CHST11: variants seen among roughly 807,000 people sequenced by gnomAD.
The protein encoded by CHST11 is carbohydrate sulfotransferase 11, also known as C4S-1.
In CHST11, 9 loss-of-function variants were observed where a neutral mutation model predicts 30.4. The observed-to-expected ratio is 0.30, with a 90% CI of 0.18 to 0.52. The LOEUF is 0.52. CHST11 is among the 20% of genes least tolerant of loss of function. The probability of loss-of-function intolerance (pLI) is 0.97; values close to 1 mark genes in which losing one functional copy is unlikely to be tolerated. For missense variants in CHST11, 348 were observed against 460.6 expected, an observed-to-expected ratio of 0.76 and a Z score of 2.24; for synonymous variants, 152 against 187.8, an observed-to-expected ratio of 0.81 and a Z score of 1.56.
intron 1 of CHST11, among the ~76,000 whole-genome samples, chr12:104,472,996 G>C (rs1313967272): frequency 6.6e-6 from 1 of 152,132 alleles, no homozygotes; most frequent in Non-Finnish European, 1.5e-5. Context: ...GGGTGGAGAG[G>C]TGAACCTGGA....
chr12:104,480,147 C>T (rs1055006384), intron 1 of CHST11, among the ~76,000 whole-genome samples: 6 of 152,128 alleles, frequency 3.9e-5, no homozygotes, highest in African/African-American at 1.4e-4. Context: ...TGAATTCAGG[C>T]CTATCTTTCA....
intron 2 of CHST11, among the ~76,000 whole-genome samples, chr12:104,655,187 T>C (rs867316443): frequency 1.3e-5 from 2 of 152,384 alleles, no homozygotes; most frequent in African/African-American, 4.8e-5. Context: ...GGTTTCTGCA[T>C]GCCTTGCTTT....
intron 2 of CHST11, among the ~76,000 whole-genome samples, chr12:104,650,754 C>T (rs903246566): frequency 2.6e-5 from 4 of 152,204 alleles, no homozygotes; most frequent in Non-Finnish European, 4.4e-5. Context: ...GAGCCTAAAA[C>T]GTGAGAGGCA....
intron 1 of CHST11, among the ~76,000 whole-genome samples, chr12:104,491,757 G>A (rs182432164): frequency 1.7e-3 from 254 of 152,232 alleles, no homozygotes; most frequent in Non-Finnish European, 3.1e-3. Flanking sequence ...AATTACAGGT[G>A]TGAGCTACTA....
intron 1 of CHST11, among the ~76,000 whole-genome samples, chr12:104,575,165 C>T (rs900557984): frequency 1.1e-4 from 17 of 151,828 alleles, no homozygotes; most frequent in African/African-American, 3.9e-4. Context: ...TGCACCCCAG[C>T]CTGAGTTACA....
At chr12:104,567,923 G>A (rs566165189) in intron 1 of CHST11, among the ~76,000 whole-genome samples, 13 of 152,312 alleles carry the variant, frequency 8.5e-5, no homozygotes, top group South Asian at 8.3e-4. Context: ...GCCAGACACC[G>A]AATCTGCTAT....
At chr12:104,666,071 G>T (rs538656734) in intron 2 of CHST11, among the ~76,000 whole-genome samples, 8 of 152,114 alleles carry the variant, frequency 5.3e-5, no homozygotes, top group African/African-American at 1.7e-4. Context: ...GCCCGCCTCG[G>T]CCTCCCAAAG....
intron 2 of CHST11, among the ~76,000 whole-genome samples, chr12:104,606,177 G>GT (rs954304969): frequency 3.7e-4 from 49 of 133,712 alleles, no homozygotes; most frequent in Non-Finnish European, 5.8e-4. Flanking sequence ...GCGGGGGGCG[G>GT]GGGGGGGAAT....
At chr12:104,731,957 G>A (rs193272829) in intron 2 of CHST11, among the ~76,000 whole-genome samples, 1 of 152,380 alleles carries the variant, frequency 6.6e-6, no homozygotes, top group Non-Finnish European at 1.5e-5. Context: ...CAGCAGATTG[G>A]CCTTTGGTGG....
intron 2 of CHST11, among the ~76,000 whole-genome samples, chr12:104,742,618 GC>G (rs1296071331): frequency 2.0e-5 from 3 of 152,112 alleles, no homozygotes; most frequent in African/African-American, 7.2e-5. Flanking sequence ...TCCTATTCCT[GC>G]CCCCCTCCGG....
intron 1 of CHST11, among the ~76,000 whole-genome samples, chr12:104,530,796 C>G (rs2038175802): frequency 6.6e-6 from 1 of 152,212 alleles, no homozygotes; most frequent in Admixed American, 6.5e-5. Flanking sequence ...AGTTCAAAAT[C>G]TGTGGCCTTA....
rs117979975 is a variant in CHST11, at chr12:104,726,703, G to A, written c.205-30246G>A. ...GGAAAGGGTGTGCCAGGATTTGAGCGGCATCAAAACCTGCTGTAGGGCTGA... is the reference window on the plus strand; with the variant it reads ...GGAAAGGGTGTGCCAGGATTTGAGCAGCATCAAAACCTGCTGTAGGGCTGA... On this transcript the variant is annotated intron_variant, in intron 2 of 2. Transcript: ENST00000303694. Among the ~76,000 whole-genome samples, 563 of 152,172 alleles carry A rather than the reference G, an allele frequency of 3.7e-3. 10 individuals carry two copies. The East Asian group carries it at 0.068, about 18-fold the overall frequency.
At chr12:104,478,458 C>A (rs1179990842) in intron 1 of CHST11, among the ~76,000 whole-genome samples, 1 of 152,144 alleles carries the variant, frequency 6.6e-6, no homozygotes, top group Non-Finnish European at 1.5e-5. Context: ...TCTCCACTGA[C>A]CCCTTCCCCA....
At chr12:104,715,444 A>G (rs2040123260) in intron 2 of CHST11, among the ~76,000 whole-genome samples, 1 of 152,218 alleles carries the variant, frequency 6.6e-6, no homozygotes, top group Non-Finnish European at 1.5e-5. Context: ...AAGGGATTAA[A>G]TAAGACCCTG....
chr12:104,577,935 C>A (rs777124164), intron 1 of CHST11, among the ~76,000 whole-genome samples: 14 of 152,196 alleles, frequency 9.2e-5, no homozygotes, highest in Admixed American at 4.6e-4. Flanking sequence ...GCACTCACGA[C>A]CCCTTTACAT....
chr12:104,636,423 T>G (rs903745143), intron 2 of CHST11, among the ~76,000 whole-genome samples: 1 of 152,200 alleles, frequency 6.6e-6, no homozygotes, highest in Non-Finnish European at 1.5e-5. Context: ...TTCTCCATGT[T>G]CTCTCCATCA....
At chr12:104,621,539 G>T (rs2136060889) in intron 2 of CHST11, among the ~76,000 whole-genome samples, 1 of 152,340 alleles carries the variant, frequency 6.6e-6, no homozygotes, top group Admixed American at 6.5e-5. Flanking sequence ...TATCCGGATG[G>T]GTCCAGTATA....
intron 2 of CHST11, among the ~76,000 whole-genome samples, chr12:104,610,124 C>T (rs907308086): frequency 6.6e-6 from 1 of 150,962 alleles, no homozygotes; most frequent in African/African-American, 2.4e-5. Context: ...TATATGTTCA[C>T]TCAACCTTTA....
At chr12:104,652,869 GC>G (rs1479025635) in intron 2 of CHST11, among the ~76,000 whole-genome samples, 1 of 152,042 alleles carries the variant, frequency 6.6e-6, no homozygotes, top group African/African-American at 2.4e-5. Context: ...AGGCTGCCCT[GC>G]TTGGCCTCTG....
Sources: allele counts gnomAD v4.1 joint callset (sites outside exome capture counted in the v4.1 genomes callset), GRCh38; gene constraint gnomAD v4.1.1; transcripts MANE v1.5; gene names NCBI Gene and HGNC (gene_info 2026-07-23, HGNC 2026-07-21).